Variants in ESRRG observed in about 807,000 individuals in gnomAD.
The protein encoded by ESRRG is estrogen related receptor gamma, also known as estrogen-related receptor gamma.
Under a neutral mutation model 44.0 loss-of-function variants are expected in ESRRG, and 13 were observed. The ratio of observed to expected loss-of-function variants is 0.30; its 90% CI spans 0.19 to 0.47. The LOEUF is 0.47. ESRRG is among the 20% of genes least tolerant of loss of function. ESRRG has a pLI of 1.00. For missense variants in ESRRG, 395 were observed against 580.6 expected, an observed-to-expected ratio of 0.68 and a Z score of 3.29; for synonymous variants, 215 against 214.6, an observed-to-expected ratio of 1.00 and a Z score of -0.02.
intron 2 of ESRRG, among the ~76,000 whole-genome samples, chr1:216,886,681 T>A (rs916321766): frequency 2.0e-4 from 31 of 152,206 alleles, no homozygotes; most frequent in African/African-American, 6.8e-4. Context: ...AATTACTAGA[T>A]TGCCAGGATC....
At chr1:217,135,527 C>CGCGGGG (rs1553295384) in intron 1 of ESRRG, among the ~76,000 whole-genome samples, 1 of 151,266 alleles carries the variant, frequency 6.6e-6, no homozygotes, top group African/African-American at 2.4e-5. Context: ...GGGGCGCGCG[C>CGCGGGG]GCGGCGGCGG....
intron 2 of ESRRG, among the ~76,000 whole-genome samples, chr1:216,793,223 G>A (rs1228083215): frequency 2.6e-5 from 4 of 152,118 alleles, no homozygotes; most frequent in African/African-American, 9.7e-5. Context: ...GATGACTGGG[G>A]TAGTAAGCCT....
intron 1 of ESRRG, among the ~76,000 whole-genome samples, chr1:216,942,161 T>C (rs939427344): frequency 6.6e-6 from 1 of 152,052 alleles, no homozygotes; most frequent in African/African-American, 2.4e-5. Flanking sequence ...TAAGAACATG[T>C]AATATTTGGT....
intron 1 of ESRRG, among the ~76,000 whole-genome samples, chr1:216,700,205 AG>A (rs1454530722): frequency 6.6e-6 from 1 of 151,972 alleles, no homozygotes; most frequent in Admixed American, 6.6e-5. Flanking sequence ...GCTTTTAAAG[AG>A]GGAAGTCTGA....
At chr1:217,046,691 C>T (rs1285535825) in intron 1 of ESRRG, among the ~76,000 whole-genome samples, 1 of 152,074 alleles carries the variant, frequency 6.6e-6, no homozygotes, top group Non-Finnish European at 1.5e-5. Context: ...CGAGACCAGC[C>T]TGGGCAACAT....
At chr1:216,784,632 G>T (rs1167535972) in intron 2 of ESRRG, among the ~76,000 whole-genome samples, 3 of 151,916 alleles carry the variant, frequency 2.0e-5, no homozygotes, top group East Asian at 3.9e-4. Context: ...TAGAGTTAAA[G>T]AATTATAAAA....
chr1:216,586,379 G>A (rs2063791870), intron 3 of ESRRG, among the ~76,000 whole-genome samples: 1 of 152,122 alleles, frequency 6.6e-6, no homozygotes, highest in African/African-American at 2.4e-5. Context: ...AAAAATAATA[G>A]TTAATGTTTT....
chr1:216,588,024 A>C (rs1395888166), intron 3 of ESRRG, among the ~76,000 whole-genome samples: 1 of 152,210 alleles, frequency 6.6e-6, no homozygotes, highest in Non-Finnish European at 1.5e-5. Context: ...GGAAGTAAAT[A>C]TAAAATGTAT....
At chr1:217,020,424 A>C (rs2080107694) in intron 1 of ESRRG, among the ~76,000 whole-genome samples, 1 of 152,214 alleles carries the variant, frequency 6.6e-6, no homozygotes, top group African/African-American at 2.4e-5. Flanking sequence ...GAAGAAACTG[A>C]GACTTGAAAG....
intron 1 of ESRRG, among the ~76,000 whole-genome samples, chr1:216,712,551 C>T (rs564834841): frequency 2.0e-4 from 31 of 152,284 alleles, no homozygotes; most frequent in East Asian, 1.7e-3. Flanking sequence ...AGCAGCTGTG[C>T]GCTTTATCAA....
chr1:217,088,396 G>GTTTTTTTT (rs1580532753), intron 1 of ESRRG, among the ~76,000 whole-genome samples: 1 of 55,044 alleles, frequency 1.8e-5, no homozygotes. Flanking sequence ...TTTTTTTCCT[G>GTTTTTTTT]TCTTTTTTTT....
intron 2 of ESRRG, chr1:216,864,917 C>T (rs1678031501): frequency 6.6e-6 from 1 of 152,058 alleles, no homozygotes; most frequent in South Asian, 2.1e-4. Flanking sequence ...ATTCTACCAT[C>T]ATCACAGAGG....
At chr1:217,035,229 A>G (rs1192440600) in intron 1 of ESRRG, among the ~76,000 whole-genome samples, 2 of 150,402 alleles carry the variant, frequency 1.3e-5, no homozygotes, top group African/African-American at 4.9e-5. Flanking sequence ...CTCACACCTG[A>G]AATCCCAGTG....
chr1:216,771,325 T>C (rs1203736023), intron 2 of ESRRG, among the ~76,000 whole-genome samples: 1 of 152,170 alleles, frequency 6.6e-6, no homozygotes, highest in Admixed American at 6.6e-5. Context: ...TAACAGTATG[T>C]AAAAAATTCA....
At chr1:216,889,000 C>A (rs1269116555) in intron 2 of ESRRG, among the ~76,000 whole-genome samples, 2 of 152,168 alleles carry the variant, frequency 1.3e-5, no homozygotes, top group Non-Finnish European at 2.9e-5. Context: ...GCATCCCAAT[C>A]CTCAGAAGAA....
chr1:216,900,201 A>G (rs573791536), intron 2 of ESRRG, among the ~76,000 whole-genome samples: 1 of 152,330 alleles, frequency 6.6e-6, no homozygotes, highest in East Asian at 1.9e-4. Flanking sequence ...GCACTTAACT[A>G]CAGACTTTCA....
At chr1:217,014,461 C>CA (rs1170369633) in intron 1 of ESRRG, among the ~76,000 whole-genome samples, 1 of 152,162 alleles carries the variant, frequency 6.6e-6, no homozygotes, top group Non-Finnish European at 1.5e-5. Context: ...CATATGGATT[C>CA]ATAACTTTTT....
At chr1:217,059,964 TA>T (rs1389591939) in intron 1 of ESRRG, among the ~76,000 whole-genome samples, 16 of 152,040 alleles carry the variant, frequency 1.1e-4, no homozygotes, top group Admixed American at 1.1e-3. Context: ...ATGTATTTTT[TA>T]AAAATACAAA....
chr1:216,641,575 G>A (rs2066435952), intron 3 of ESRRG, among the ~76,000 whole-genome samples: 1 of 152,184 alleles, frequency 6.6e-6, no homozygotes, highest in African/African-American at 2.4e-5. Flanking sequence ...AAGAAATGTG[G>A]TTCTGATAGT....
Sources: gnomAD v4.1 joint callset for allele counts (sites outside exome capture counted in the v4.1 genomes callset) on GRCh38, gnomAD v4.1.1 for gene constraint, MANE v1.5 for transcripts, NCBI Gene and HGNC (gene_info 2026-07-23, HGNC 2026-07-21) for gene names.